Variants in PCDHGA1 observed in about 807,000 individuals in gnomAD.
PCDHGA1 encodes the protein protocadherin gamma subfamily A, 1.
In PCDHGA1, 32 loss-of-function variants were observed where a neutral mutation model predicts 58.0. The ratio of observed to expected loss-of-function variants is 0.55; its 90% CI spans 0.42 to 0.74. The LOEUF (loss-of-function observed/expected upper bound fraction) is 0.74, where lower values mean the gene tolerates loss of function less well. Among genes scored for constraint, PCDHGA1 ranks in the 30% least tolerant of loss-of-function variants. The probability of loss-of-function intolerance (pLI) is 0.00; values close to 1 mark genes in which losing one functional copy is unlikely to be tolerated. For synonymous variants in PCDHGA1, 498 were observed against 501.1 expected (o/e 0.99, Z 0.08); for missense variants, 1,205 against 1,182.3 (o/e 1.02, Z -0.28).
chr5:141,356,256 CA>C (rs1760169250), intron 1 of PCDHGA1: 1 of 1,570,702 alleles, frequency 6.4e-7, no homozygotes, highest in South Asian at 1.2e-5. Context: ...TTACATCTCT[CA>C]CCAGCTCAGT....
intron 1 of PCDHGA1, chr5:141,418,506 ATGG>A (rs2096264933): frequency 6.2e-7 from 1 of 1,613,860 alleles, no homozygotes; most frequent in African/African-American, 1.3e-5. Context: ...ACCGCCTTAG[ATGG>A]TGGGGACCCT....
At chr5:141,375,066 G>A (rs1463444937) in intron 1 of PCDHGA1, 7 of 1,613,872 alleles carry the variant, frequency 4.3e-6, no homozygotes, top group Admixed American at 1.7e-5. Flanking sequence ...CCAGGTCTTC[G>A]AGACAGAGCG....
chr5:141,347,534 C>T (rs1461932058), intron 1 of PCDHGA1, among the ~76,000 whole-genome samples: 1 of 152,028 alleles, frequency 6.6e-6, no homozygotes, highest in Non-Finnish European at 1.5e-5. Flanking sequence ...ATGCTGTAAT[C>T]CCAGCACTTT....
At chr5:141,379,744 G>A (rs1333166422) in intron 1 of PCDHGA1, 1 of 152,052 alleles carries the variant, frequency 6.6e-6, no homozygotes, top group African/African-American at 2.4e-5. Flanking sequence ...GCTAAATGAG[G>A]TTCTTTAATC....
chr5:141,360,108 T>A, intron 1 of PCDHGA1: 1 of 1,555,128 alleles, frequency 6.4e-7, no homozygotes. Context: ...ATTCCTCCTA[T>A]GGGCAAAGGA....
chr5:141,388,989 G>A (rs1460138722), intron 1 of PCDHGA1: 1 of 1,613,886 alleles, frequency 6.2e-7, no homozygotes, highest in African/African-American at 1.3e-5. Context: ...TTTGCTCAAA[G>A]TCCGTGACAA....
At position 141,486,671 on chromosome 5, in the gene PCDHGA1, C is replaced by G. The variant is rs1307620045; in HGVS notation, c.2422-8136C>G. 24 of 1,613,926 alleles carry G rather than the reference C, an allele frequency of 1.5e-5. No homozygotes were observed. The highest frequency in any genetic ancestry group is 2.7e-5 in the African/African-American group (2 of 74,932). Reference sequence around the variant, plus strand: ...CTACTCACTCCTGGAGCCCAGGAATCGAGATGTATCAGCTTCCTCTTTCAT... The same window carrying G: ...CTACTCACTCCTGGAGCCCAGGAATGGAGATGTATCAGCTTCCTCTTTCAT... On this transcript the variant is annotated intron_variant, in intron 1 of 3. Transcript: ENST00000517417. The surrounding 1 kb of genome is among the most constrained non-coding windows in gnomAD (Gnocchi z 5.0).
At chr5:141,365,761 TGACCCC>T in intron 1 of PCDHGA1, 1 of 1,613,834 alleles carries the variant, frequency 6.2e-7, no homozygotes, top group Non-Finnish European at 8.5e-7. Context: ...TGACAGCCCA[TGACCCC>T]GACAGCGGCG....
chr5:141,481,030 C>A (rs1277171839), intron 1 of PCDHGA1, among the ~76,000 whole-genome samples: 1 of 152,024 alleles, frequency 6.6e-6, no homozygotes, highest in African/African-American at 2.4e-5. Context: ...TGCACTCCAG[C>A]CTGGGCGACA....
intron 1 of PCDHGA1, among the ~76,000 whole-genome samples, chr5:141,465,159 A>C (rs1333891587): frequency 6.6e-6 from 1 of 151,952 alleles, no homozygotes; most frequent in East Asian, 1.9e-4. Flanking sequence ...AGGGACTCTA[A>C]ATGTTTATGA....
chr5:141,400,003 C>T, intron 1 of PCDHGA1: 5 of 1,612,396 alleles, frequency 3.1e-6, no homozygotes, highest in Non-Finnish European at 4.2e-6. Flanking sequence ...GCGCACAGCG[C>T]GTGCCTTGGG....
intron 1 of PCDHGA1, chr5:141,345,772 G>C: frequency 6.2e-7 from 1 of 1,614,084 alleles, no homozygotes. Flanking sequence ...CTGGCGCCTC[G>C]CTCCGCAGAG....
chr5:141,492,257 A>G (rs955890030), intron 1 of PCDHGA1, among the ~76,000 whole-genome samples: 1 of 152,126 alleles, frequency 6.6e-6, no homozygotes, highest in Non-Finnish European at 1.5e-5. Flanking sequence ...GGCCCACACA[A>G]GTTGCACGGG....
chr5:141,422,349 T>C (rs768693451), intron 1 of PCDHGA1: 95 of 1,554,604 alleles, frequency 6.1e-5, no homozygotes, highest in Non-Finnish European at 8.2e-5. Flanking sequence ...ATGTGCAAGA[T>C]CAAGATTCTG....
intron 1 of PCDHGA1, among the ~76,000 whole-genome samples, chr5:141,368,452 C>T (rs75043959): frequency 0.049 from 7,512 of 151,972 alleles, 218 homozygotes; most frequent in Admixed American, 0.079. Flanking sequence ...ACAAACTCAC[C>T]GAATAGTGAA....
In PCDHGA1 at chr5:141,476,886, C is replaced by T; in HGVS notation, c.2422-17921C>T. ...TACCGGGCGCGCGTCCTGGAGGATG[C>T]ACCCTCCGGCACGCGCGTGGTACAA... On this transcript the variant is annotated intron_variant, in intron 1 of 3. Transcript: ENST00000517417. This position sits in a 1 kb window ranked among gnomAD's most constrained non-coding sequence, Gnocchi z 7.6. The T allele has an allele frequency of 9.9e-6, 16 of 1,613,924 alleles. No individual in the cohort carries two copies. Among genetic ancestry groups the T allele is most frequent in the Non-Finnish European group, 1.4e-5 (16 of 1,180,032 alleles).
At position 141,362,106 on chromosome 5, in the gene PCDHGA1, G is replaced by T. The variant is rs73265834; in HGVS notation, c.2421+29001G>T. On this transcript the variant is annotated intron_variant, in intron 1 of 3. Transcript: ENST00000517417. Reference sequence around the variant, plus strand: ...GAGGACAGCCGCCACTCTCCGCTACGGCCACGCTGCACCTAATCTTCGCGG... The same window carrying T: ...GAGGACAGCCGCCACTCTCCGCTACTGCCACGCTGCACCTAATCTTCGCGG... 1.3e-4 allele frequency: 207 copies of T among 1,612,660 alleles called. 2 individuals are homozygous for T. In the South Asian group the frequency reaches 2.2e-3, roughly 17 times the overall value.
At chr5:141,467,571 A>G (rs1228156610) in intron 1 of PCDHGA1, among the ~76,000 whole-genome samples, 1 of 152,212 alleles carries the variant, frequency 6.6e-6, no homozygotes, top group South Asian at 2.1e-4. Flanking sequence ...ATGGCTATCC[A>G]GTTGTCCCAA....
At chr5:141,421,578 T>C in intron 1 of PCDHGA1, 4 of 1,613,886 alleles carry the variant, frequency 2.5e-6, no homozygotes, top group Non-Finnish European at 3.4e-6. Flanking sequence ...CCTTGAAGAT[T>C]TACGGAGTGG....
Sources: gnomAD v4.1 joint callset for allele counts (sites outside exome capture counted in the v4.1 genomes callset) on GRCh38, gnomAD v4.1.1 for gene constraint, Gnocchi (gnomAD v3.1) non-coding constraint, MANE v1.5 for transcripts, NCBI Gene and HGNC (gene_info 2026-07-23, HGNC 2026-07-21) for gene names.